HECW2: variants seen among roughly 807,000 people sequenced by gnomAD.
HECW2 encodes the protein E3 ubiquitin-protein ligase HECW2.
HECW2 carries 61 observed loss-of-function variants against 175.2 expected under a neutral mutation model. That is an observed-to-expected ratio of 0.35 (90% confidence interval 0.28 to 0.43). The LOEUF (loss-of-function observed/expected upper bound fraction) is 0.43. Ranked by LOEUF, HECW2 falls within the 20% of genes least tolerant of loss-of-function variation. HECW2 has a pLI of 1.00. For missense variants in HECW2, 1,524 were observed against 2,000.5 expected (o/e 0.76, Z 4.54); for synonymous variants, 671 against 731.0 (o/e 0.92, Z 1.32).
chr2:196,582,501 C>G (rs779563100), intron 1 of HECW2, among the ~76,000 whole-genome samples: 77 of 152,170 alleles, frequency 5.1e-4, no homozygotes, highest in African/African-American at 1.8e-3. Context: ...GGCACCTAAC[C>G]CTTTCTTCAA....
At chr2:196,478,899 T>C (rs1686749921) in intron 1 of HECW2, among the ~76,000 whole-genome samples, 1 of 152,108 alleles carries the variant, frequency 6.6e-6, no homozygotes, top group Non-Finnish European at 1.5e-5. Context: ...GCAAACTTGA[T>C]GATTACTGGG....
In HECW2 at chr2:196,463,633, G is replaced by A. The variant is rs1031786278; in HGVS notation, c.-35-30175C>T. The stretch of plus-strand genomic sequence containing the variant: ...GTTTTAAACTTGCTTATATAATATT[G>A]TATTTTATATTACAAAGTGAAACTA... On this transcript the variant is annotated intron_variant, in intron 1 of 28. Coordinates refer to ENST00000644978, the MANE Select transcript of HECW2 (RefSeq NM_001348768.2). Among the ~76,000 whole-genome samples, 12 of 152,192 alleles carry A rather than the reference G, an allele frequency of 7.9e-5. No individual in the cohort carries two copies. The South Asian group carries it at 1.2e-3, about 16-fold the overall frequency.
chr2:196,531,010 C>G (rs527792089), intron 1 of HECW2, among the ~76,000 whole-genome samples: 3 of 152,198 alleles, frequency 2.0e-5, no homozygotes, highest in African/African-American at 7.2e-5. Context: ...CTCACTTCCT[C>G]CGCAATATTA....
At position 196,257,815 on chromosome 2, in the gene HECW2, G is replaced by C. The variant is rs184195465; in HGVS notation, c.3419+8C>G. Reference sequence around the variant, plus strand: ...CTTCTGCTTCAAGAGTGAGTGTTACGTATGTACCTCAGCAACATAACAAGG... The same window carrying C: ...CTTCTGCTTCAAGAGTGAGTGTTACCTATGTACCTCAGCAACATAACAAGG... On this transcript the variant is annotated splice_region_variant and intron_variant, in intron 18 of 28. Transcript: ENST00000644978. 1.2e-6 allele frequency: 2 copies of C among 1,600,534 alleles called. No individual in the cohort carries two copies. The highest frequency in any genetic ancestry group is 1.7e-5 in the Admixed American group (1 of 59,944).
At chr2:196,439,134 G>T (rs1420572575) in intron 1 of HECW2, among the ~76,000 whole-genome samples, 4 of 152,180 alleles carry the variant, frequency 2.6e-5, no homozygotes, top group Non-Finnish European at 5.9e-5. Context: ...AATGTACCAT[G>T]CAAGGTTGTT....
intron 5 of HECW2, among the ~76,000 whole-genome samples, chr2:196,327,205 A>C (rs1343076537): frequency 6.6e-6 from 1 of 152,224 alleles, no homozygotes; most frequent in Non-Finnish European, 1.5e-5. Context: ...TCCACCAGAC[A>C]ATTAAGTCAC....
intron 1 of HECW2, among the ~76,000 whole-genome samples, chr2:196,491,994 T>C (rs992199987): frequency 2.0e-5 from 3 of 152,132 alleles, no homozygotes; most frequent in Non-Finnish European, 2.9e-5. Flanking sequence ...TTGTAAAAAT[T>C]TTTTTCAAAT....
rs1312662530 is a variant in HECW2 at position 196,325,026 on chromosome 2, C to T, written c.695G>A (p.Arg232Gln). 3 of 1,605,888 alleles carry T rather than the reference C, an allele frequency of 1.9e-6. No individual in the cohort carries two copies. The highest frequency in any genetic ancestry group is 2.5e-6 in the Non-Finnish European group (3 of 1,177,402). Reference protein sequence around the residue: ...PTCAHHGQERRSTIISNTTNP... With the variant: ...PTCAHHGQERQSTIISNTTNP... The stretch of plus-strand genomic sequence containing the variant: ...GGTGGTGTTACTGATGATAGTAGAC[C>T]GTCTCTCCTGCCCGTGGTGGGCACA... The change falls in exon 6 of 29, where the codon CGG (arginine) becomes CAG (glutamine). Residue 232 changes from arginine to glutamine, a missense_variant. Coordinates refer to ENST00000644978, the MANE Select transcript of HECW2 (RefSeq NM_001348768.2).
At chr2:196,465,969 T>G (rs751705445) in intron 1 of HECW2, among the ~76,000 whole-genome samples, 1 of 152,176 alleles carries the variant, frequency 6.6e-6, no homozygotes, top group Non-Finnish European at 1.5e-5. Context: ...TGTCCAAATA[T>G]GTAGCTACAA....
intron 10 of HECW2, chr2:196,316,479 AG>A (rs1691701767): frequency 6.6e-6 from 1 of 152,218 alleles, no homozygotes; most frequent in African/African-American, 2.4e-5. Flanking sequence ...GTAAGGCAAA[AG>A]GGTATACCTT....
chr2:196,500,274 G>C (rs1687531232), intron 1 of HECW2, among the ~76,000 whole-genome samples: 1 of 152,020 alleles, frequency 6.6e-6, no homozygotes, highest in South Asian at 2.1e-4. Flanking sequence ...TTTTATGGGA[G>C]GGGAGGGAAA....
At chr2:196,389,703 A>C (rs1382361814) in intron 2 of HECW2, among the ~76,000 whole-genome samples, 1 of 152,224 alleles carries the variant, frequency 6.6e-6, no homozygotes, top group Admixed American at 6.5e-5. Flanking sequence ...AAGGGGCCTT[A>C]TTCTTGGCAT....
chr2:196,293,367 A>G (rs12619435), intron 13 of HECW2, among the ~76,000 whole-genome samples: 124,339 of 152,226 alleles, frequency 0.82, 51,477 homozygotes, highest in Admixed American at 0.87. Context: ...ATTCCATGGT[A>G]TATATATGCT....
At chr2:196,498,763 T>TC (rs1687480119) in intron 1 of HECW2, among the ~76,000 whole-genome samples, 1 of 152,220 alleles carries the variant, frequency 6.6e-6, no homozygotes, top group African/African-American at 2.4e-5. Flanking sequence ...AGCTTGCCTT[T>TC]TTTGTAACTG....
Position 196,275,982 on chromosome 2 carries a change from G to GAGGAATGAAT in HECW2, c.3136-1869_3136-1860dup, listed in dbSNP as rs1472854784. On this transcript the variant is annotated intron_variant, in intron 15 of 28. Transcript: ENST00000644978. ...CTGCTTCTCTTGAGTTACTGGCTTT[G>GAGGAATGAAT]AGGAATGAATACAGCTATTCTCTGG... 5.9e-5 allele frequency among the ~76,000 whole-genome samples: 9 copies of GAGGAATGAAT among 152,314 alleles called. No homozygotes were observed. The East Asian group carries it at 1.7e-3, about 29-fold the overall frequency.
chr2:196,461,250 C>T (rs1320811148), intron 1 of HECW2, among the ~76,000 whole-genome samples: 1 of 152,096 alleles, frequency 6.6e-6, no homozygotes, highest in Non-Finnish European at 1.5e-5. Flanking sequence ...ACATTACAAA[C>T]CAAAGTCTGG....
At chr2:196,271,171 C>G (rs1357758140) in intron 17 of HECW2, 22 bp downstream of exon 17, 1 of 1,410,592 alleles carries the variant, frequency 7.1e-7, no homozygotes, top group Admixed American at 1.7e-5. Flanking sequence ...CAACTTGAAC[C>G]AAATACCAAT....
intron 14 of HECW2, among the ~76,000 whole-genome samples, chr2:196,283,819 T>C (rs907151313): frequency 6.6e-6 from 1 of 152,126 alleles, no homozygotes; most frequent in African/African-American, 2.4e-5. Context: ...AAACCACCAT[T>C]ATATGTAGGG....
At chr2:196,537,489 T>G (rs1303721478) in intron 1 of HECW2, among the ~76,000 whole-genome samples, 4 of 152,038 alleles carry the variant, frequency 2.6e-5, no homozygotes, top group Non-Finnish European at 2.9e-5. Context: ...CACAGATGAT[T>G]ATAATTATGA....
Sources: gnomAD v4.1 joint callset for allele counts (sites outside exome capture counted in the v4.1 genomes callset) on GRCh38, gnomAD v4.1.1 for gene constraint, MANE v1.5 for transcripts, NCBI Gene and HGNC (gene_info 2026-07-23, HGNC 2026-07-21) for gene names.